EPB41L1: variants seen among roughly 807,000 people sequenced by gnomAD.
The protein encoded by EPB41L1 is band 4.1-like protein 1.
A neutral mutation model predicts 97.8 loss-of-function variants in EPB41L1; 29 were observed. The observed-to-expected ratio is 0.30, with a 90% CI of 0.22 to 0.40. The LOEUF (loss-of-function observed/expected upper bound fraction) is 0.40. Ranked by LOEUF, EPB41L1 falls within the 10% of genes least tolerant of loss-of-function variation. The pLI is 1.00. For synonymous variants in EPB41L1, 383 were observed against 459.2 expected, an observed-to-expected ratio of 0.83 and a Z score of 2.12; for missense variants, 812 against 1,162.3, an observed-to-expected ratio of 0.70 and a Z score of 4.38.
intron 9 of EPB41L1, among the ~76,000 whole-genome samples, chr20:36,189,318 C>T (rs1170120181): frequency 6.6e-6 from 1 of 152,054 alleles, no homozygotes; most frequent in Non-Finnish European, 1.5e-5. Flanking sequence ...CAAGCCCACT[C>T]CCCCTTCCCA....
chr20:36,124,332 C>G (rs1028724801), intron 2 of EPB41L1, among the ~76,000 whole-genome samples: 1 of 152,186 alleles, frequency 6.6e-6, no homozygotes, highest in African/African-American at 2.4e-5. Context: ...TTCCTCTGCC[C>G]TTAGAATAAA....
chr20:36,129,262 T>A (rs996223589), intron 2 of EPB41L1, among the ~76,000 whole-genome samples: 2 of 152,064 alleles, frequency 1.3e-5, no homozygotes, highest in African/African-American at 4.8e-5. Flanking sequence ...ACCAGAAAAT[T>A]CTGACCAGGC....
At chr20:36,187,530 C>T in intron 7 of EPB41L1, 146 bp from the exon 8 acceptor site, 1 of 720,396 alleles carries the variant, frequency 1.4e-6, no homozygotes, top group Admixed American at 2.1e-5. Context: ...CACCCTCCTG[C>T]TCTGAGGGCA....
At chr20:36,107,074 A>C (rs1171402304) in intron 1 of EPB41L1, among the ~76,000 whole-genome samples, 1 of 152,166 alleles carries the variant, frequency 6.6e-6, no homozygotes, top group Non-Finnish European at 1.5e-5. Flanking sequence ...GGCATGAGCC[A>C]CCAAGCCCAG....
chr20:36,148,037 C>A (rs2059906674), intron 2 of EPB41L1, among the ~76,000 whole-genome samples: 1 of 152,108 alleles, frequency 6.6e-6, no homozygotes, highest in Non-Finnish European at 1.5e-5. Flanking sequence ...AGGCAGAACT[C>A]AGCCTCAGGA....
At chr20:36,127,188 G>A (rs192609368) in intron 2 of EPB41L1, among the ~76,000 whole-genome samples, 105 of 152,332 alleles carry the variant, frequency 6.9e-4, no homozygotes, top group Admixed American at 2.6e-3. Context: ...AAAACCAAAG[G>A]GATTGGGTTG....
rs1236944767 is a variant in EPB41L1, at chr20:36,207,164, G to A, written c.1669-2324G>A. On this transcript the variant is annotated intron_variant, in intron 14 of 21. Coordinates refer to ENST00000338074, the MANE Select transcript of EPB41L1 (RefSeq NM_012156.2). The surrounding 1 kb of genome is among the most constrained non-coding windows in gnomAD (Gnocchi z 4.9). ...CCAAGCCCAACCTCCCATGGGTCAG[G>A]GGAGCCTTCGGAGCTCAGGGAGCCC... 1 of 1,289,094 alleles carries A rather than the reference G, an allele frequency of 7.8e-7. No individual in the cohort carries two copies. The allele number at this position is 1,289,094 out of a possible 1,614,324, so 79.9% of individuals were successfully genotyped here.
In EPB41L1 at chr20:36,175,668, T is replaced by G. The variant is rs757523307; in HGVS notation, c.295T>G (p.Cys99Gly). 1.2e-6 allele frequency: 2 copies of G among 1,614,122 alleles called. No individual in the cohort carries two copies. The highest frequency in any genetic ancestry group is 1.7e-6 in the Non-Finnish European group (2 of 1,180,016). Residue 99 changes from cysteine to glycine, a missense_variant, in exon 3 of 22, where the codon TGC (cysteine) becomes GGC (glycine). Coordinates refer to ENST00000338074, the MANE Select transcript of EPB41L1 (RefSeq NM_012156.2). ...KIAKKYKSAI[C>G]RVTLLDASEY... is the part of the protein sequence containing the mutation. ...TGCCAAGAAATACAAGAGTGCCATC[T>G]GCCGGGTCACTCTGCTTGATGCCTC...
chr20:36,164,747 A>T (rs1249047135), intron 1 of EPB41L1, among the ~76,000 whole-genome samples: 1 of 151,914 alleles, frequency 6.6e-6, no homozygotes, highest in African/African-American at 2.4e-5. Context: ...GTTCAGTGGC[A>T]TGATCTCGGC....
intron 21 of EPB41L1, among the ~76,000 whole-genome samples, chr20:36,225,671 G>A (rs2064100239): frequency 6.6e-6 from 1 of 152,114 alleles, no homozygotes; most frequent in Non-Finnish European, 1.5e-5. Context: ...ACAGTCCTCT[G>A]GCTATTTGCT....
Position 36,190,877 on chromosome 20 carries a change from A to T in EPB41L1, c.1300+80A>T. 6.4e-7 allele frequency: 1 copy of T among 1,563,438 alleles called. No homozygotes were observed. The highest frequency in any genetic ancestry group is 8.7e-7 in the Non-Finnish European group (1 of 1,154,920). On this transcript the variant is annotated intron_variant, in intron 11 of 21. Coordinates refer to ENST00000338074, the MANE Select transcript of EPB41L1 (RefSeq NM_012156.2). The surrounding 1 kb of genome is among the most constrained non-coding windows in gnomAD (Gnocchi z 5.8). ...GAGTGGGCATGCTGGGTTCTGCAGA[A>T]TGAGCAGGAAAATGGTAGATGCATC...
At position 36,221,849 on chromosome 20, in the gene EPB41L1, C is replaced by T; in HGVS notation, c.2440-15C>T. 6.2e-7 allele frequency: 1 copy of T among 1,612,764 alleles called. No homozygotes were observed. The highest frequency in any genetic ancestry group is 8.5e-7 in the Non-Finnish European group (1 of 1,178,764). On this transcript the variant is annotated splice_polypyrimidine_tract_variant and intron_variant, in intron 19 of 21. Coordinates refer to ENST00000338074, the MANE Select transcript of EPB41L1 (RefSeq NM_012156.2). The stretch of plus-strand genomic sequence containing the variant: ...CAGGACCCAAGAGTGACCTCACCTC[C>T]CTCTCCCTCTGCAGACTGTGAAAGG...
chr20:36,167,936 C>G (rs1224083657), intron 1 of EPB41L1, among the ~76,000 whole-genome samples: 16 of 151,994 alleles, frequency 1.1e-4, no homozygotes, highest in Admixed American at 9.8e-4. Context: ...AGAAGCAAAT[C>G]CAAGTTACTG....
In EPB41L1 at chr20:36,182,306, C is replaced by T. The variant is rs774456412; in HGVS notation, c.525C>T (p.Phe175=). 1.2e-6 allele frequency: 2 copies of T among 1,614,110 alleles called. No homozygotes were observed. Among genetic ancestry groups the T allele is most frequent in the Non-Finnish European group, 1.7e-6 (2 of 1,179,964 alleles). Residue 175 remains phenylalanine (F), a synonymous_variant, in exon 6 of 22, where the codon TTC becomes TTT. Transcript: ENST00000338074. ...SPWNFAFTVK[F]YPPDPAQLTE... Reference sequence around the variant, plus strand: ...GGAATTTTGCCTTCACAGTCAAGTTCTACCCGCCTGATCCTGCCCAGCTGA... The same window carrying T: ...GGAATTTTGCCTTCACAGTCAAGTTTTACCCGCCTGATCCTGCCCAGCTGA...
intron 2 of EPB41L1, among the ~76,000 whole-genome samples, chr20:36,121,366 G>T (rs2058747675): frequency 6.6e-6 from 1 of 152,236 alleles, no homozygotes; most frequent in Admixed American, 6.5e-5. Context: ...TGGGATGCAT[G>T]ATTTTGAATT....
rs192165445 is a variant in EPB41L1, at chr20:36,172,025, C to T, written c.-14-1739C>T. Among the ~76,000 whole-genome samples the T allele has an allele frequency of 3.0e-3, 462 of 152,268 alleles. 6 individuals carry two copies. The highest frequency in any genetic ancestry group is 0.01 in the African/African-American group (435 of 41,550). On this transcript the variant is annotated intron_variant, in intron 1 of 21. Transcript: ENST00000338074. ...ATCTGATGCCCCTCCGCCACCCTAC[C>T]TTTCTAAAAAGCCAACTTGTACGTT...
At chr20:36,191,323 AG>A (rs1167002973) in intron 11 of EPB41L1, among the ~76,000 whole-genome samples, 1 of 152,138 alleles carries the variant, frequency 6.6e-6, no homozygotes, top group East Asian at 1.9e-4. Context: ...TGGTTCTACT[AG>A]GTTCTGGGCT....
intron 2 of EPB41L1, among the ~76,000 whole-genome samples, chr20:36,133,093 A>G (rs1457675311): frequency 6.6e-6 from 1 of 152,272 alleles, no homozygotes; most frequent in Non-Finnish European, 1.5e-5. Context: ...TTACTTTATT[A>G]TGTAGCTGGT....
Position 36,209,712 on chromosome 20 carries a change from C to T in EPB41L1, c.1893C>T (p.Ser631=), listed in dbSNP as rs142447348. 417 of 1,614,152 alleles carry T rather than the reference C, an allele frequency of 2.6e-4. No homozygotes were observed. Among genetic ancestry groups the T allele is most frequent in the Middle Eastern group, 6.6e-4 (4 of 6,062 alleles). Residue 631 remains serine (S), a synonymous_variant, in exon 15 of 22, where the codon AGC becomes AGT. Coordinates refer to ENST00000338074, the MANE Select transcript of EPB41L1 (RefSeq NM_012156.2). This position sits in a 1 kb window ranked among gnomAD's most constrained non-coding sequence, Gnocchi z 4.2. The part of the protein sequence containing the change: ...DFTVIGDYHG[S]AFEDFSRSLP... ...CGGTCATTGGTGACTACCATGGCAGCGCCTTCGAAGACTTCTCCCGCAGCC... is the reference window on the plus strand; with the variant it reads ...CGGTCATTGGTGACTACCATGGCAGTGCCTTCGAAGACTTCTCCCGCAGCC...
Sources: gnomAD v4.1 joint callset for allele counts (sites outside exome capture counted in the v4.1 genomes callset) on GRCh38, gnomAD v4.1.1 for gene constraint, Gnocchi (gnomAD v3.1) non-coding constraint, MANE v1.5 for transcripts, NCBI Gene and HGNC (gene_info 2026-07-23, HGNC 2026-07-21) for gene names.